Variants in SLC25A16 observed in about 807,000 individuals in gnomAD.
SLC25A16 encodes mitochondrial coenzyme A transporter SLC25A16.
In SLC25A16, 39 loss-of-function variants were observed where a neutral mutation model predicts 41.5. The observed-to-expected ratio is 0.94, with a 90% confidence interval of 0.73 to 1.23. The LOEUF is 1.23. Ranked by LOEUF, SLC25A16 falls within the 50% of genes most tolerant of loss-of-function variation. SLC25A16 has a pLI of 0.00. For synonymous variants in SLC25A16, 146 were observed against 147.8 expected (o/e 0.99, Z 0.09); for missense variants, 421 against 426.9 (o/e 0.99, Z 0.12).
intron 3 of SLC25A16, among the ~76,000 whole-genome samples, chr10:68,505,148 A>T (rs961036849): frequency 2.0e-5 from 3 of 152,144 alleles, no homozygotes; most frequent in Admixed American, 6.6e-5. Flanking sequence ...AATATTTTTT[A>T]AAAAATCAGC....
intron 7 of SLC25A16, 35 bp from the exon 8 acceptor site, chr10:68,487,247 T>G (rs769618324): frequency 1.8e-5 from 28 of 1,593,922 alleles, no homozygotes; most frequent in African/African-American, 2.7e-5. Context: ...AATTAAAAAT[T>G]TTTGGTTTTC....
intron 3 of SLC25A16, among the ~76,000 whole-genome samples, chr10:68,503,958 G>T (rs2052902899): frequency 6.6e-6 from 1 of 150,430 alleles, no homozygotes; most frequent in South Asian, 2.1e-4. Context: ...ATATGATACT[G>T]TGTATTAAGG....
At chr10:68,521,582 C>CTTT (rs757080265) in intron 1 of SLC25A16, among the ~76,000 whole-genome samples, 1 of 110,326 alleles carries the variant, frequency 9.1e-6, no homozygotes, top group African/African-American at 3.5e-5. Context: ...TGCCTGTAAT[C>CTTT]TTTTTTTTTT....
chr10:68,489,595 C>T (rs2052622633), intron 6 of SLC25A16, among the ~76,000 whole-genome samples: 1 of 151,892 alleles, frequency 6.6e-6, no homozygotes, highest in Non-Finnish European at 1.5e-5. Flanking sequence ...AAGCATTACT[C>T]AAGATATTGT....
chr10:68,492,149 G>A (rs2052669678), intron 6 of SLC25A16, among the ~76,000 whole-genome samples: 3 of 152,116 alleles, frequency 2.0e-5, no homozygotes, highest in Admixed American at 6.6e-5. Flanking sequence ...CACAAAAAAG[G>A]TAGCCTAATA....
At position 68,493,216 on chromosome 10, in the gene SLC25A16, A is replaced by G; in HGVS notation, c.544-18T>C. The G allele has an allele frequency of 6.6e-7, 1 of 1,525,184 alleles. No homozygotes were observed. Among genetic ancestry groups the G allele is most frequent in the Non-Finnish European group, 9.0e-7 (1 of 1,115,804 alleles). 94.5% of individuals were successfully genotyped at this position (1,525,184 alleles called of 1,614,324 possible). On this transcript the variant is annotated intron_variant, in intron 5 of 8. Coordinates refer to ENST00000609923, the MANE Select transcript of SLC25A16 (RefSeq NM_152707.4). ...CCACCTTCCTTTTGAGTGAAGGAAA[A>G]TTGCAAGTGAGATTACATTGTGCTC...
At chr10:68,515,363 A>C (rs2053143618) in intron 2 of SLC25A16, among the ~76,000 whole-genome samples, 1 of 20,158 alleles carries the variant, frequency 5.0e-5, no homozygotes, top group Admixed American at 9.6e-4. Flanking sequence ...TCTCCAAAAA[A>C]AGAAAAAAAA....
intron 2 of SLC25A16, among the ~76,000 whole-genome samples, chr10:68,507,869 G>A (rs906473124): frequency 6.6e-6 from 1 of 152,118 alleles, no homozygotes; most frequent in Non-Finnish European, 1.5e-5. Flanking sequence ...AATTAAAATT[G>A]TAGGTACTTA....
At position 68,479,645 on chromosome 10, in the gene SLC25A16, T is replaced by G. The variant is rs1385688285; in HGVS notation, c.*3787A>C. ...CAGGGCAAAACCCAGCTCTACTAAA[T>G]ACACAAAAATTAGCTGGGCGTGGTG... On this transcript the variant is annotated 3_prime_UTR_variant, in exon 9 of 9. Transcript: ENST00000609923. 1 of 151,548 alleles carries G rather than the reference T, an allele frequency of 6.6e-6. No homozygotes were observed. The highest frequency in any genetic ancestry group is 1.5e-5 in the Non-Finnish European group (1 of 67,904). The allele number at this position is 151,548 out of a possible 1,614,324, so 9.4% of individuals were successfully genotyped here.
rs1375800896 is a variant in SLC25A16 at position 68,482,975 on chromosome 10, T to C, written c.*457A>G. 6.6e-6 allele frequency: 1 copy of C among 152,308 alleles called. No individual in the cohort carries two copies. Among genetic ancestry groups the C allele is most frequent in the Non-Finnish European group, 1.5e-5 (1 of 68,114 alleles). The allele number at this position is 152,308 out of a possible 1,614,324, so 9.4% of individuals were successfully genotyped here. A position where few individuals can be genotyped will look rare whatever the true frequency, so the allele number is the denominator to read the frequency against. ...GAGAAGAGAGATAACAAAAATAAAA[T>C]GTCAATGCTGGCTGTTTCATAGAAC... On this transcript the variant is annotated 3_prime_UTR_variant, in exon 9 of 9. Coordinates refer to ENST00000609923, the MANE Select transcript of SLC25A16 (RefSeq NM_152707.4).
chr10:68,483,636 A>T (rs748407838), intron 8 of SLC25A16, 48 bp from the exon 9 acceptor site: 1 of 1,454,832 alleles, frequency 6.9e-7, no homozygotes, highest in Admixed American at 2.4e-5. Context: ...CTCATGAAGA[A>T]ACAATTTCAG....
At chr10:68,495,111 G>A (rs1261755103) in intron 4 of SLC25A16, among the ~76,000 whole-genome samples, 1 of 151,776 alleles carries the variant, frequency 6.6e-6, no homozygotes, top group Non-Finnish European at 1.5e-5. Flanking sequence ...GCAAAACTTC[G>A]TATTTATTTA....
rs1395515905 is a variant in SLC25A16, at chr10:68,482,681, A to T, written c.*751T>A. ...ACATGTAAGTCACTCATAGTACCTC[A>T]TAATAACATTTGAGCAAGACTTAGT... On this transcript the variant is annotated 3_prime_UTR_variant, in exon 9 of 9. Coordinates refer to ENST00000609923, the MANE Select transcript of SLC25A16 (RefSeq NM_152707.4). 6.6e-6 allele frequency: 1 copy of T among 152,152 alleles called. No homozygotes were observed. Among genetic ancestry groups the T allele is most frequent in the Non-Finnish European group, 1.5e-5 (1 of 68,030 alleles). The allele number at this position is 152,152 out of a possible 1,614,324, so 9.4% of individuals were successfully genotyped here.
At chr10:68,483,839 T>A (rs2052516941) in intron 8 of SLC25A16, among the ~76,000 whole-genome samples, 1 of 152,108 alleles carries the variant, frequency 6.6e-6, no homozygotes, top group Admixed American at 6.6e-5. Context: ...ATTTTTGTAA[T>A]TTTTAGTAGA....
At chr10:68,513,616 G>C (rs547310651) in intron 2 of SLC25A16, among the ~76,000 whole-genome samples, 1 of 152,088 alleles carries the variant, frequency 6.6e-6, no homozygotes, top group Admixed American at 6.6e-5. Flanking sequence ...GTGCCCGCGC[G>C]TGGTGGCTCA....
chr10:68,501,624 C>CA (rs1156407314), intron 4 of SLC25A16, among the ~76,000 whole-genome samples: 1 of 151,806 alleles, frequency 6.6e-6, no homozygotes, highest in Non-Finnish European at 1.5e-5. Flanking sequence ...GAATTTGACT[C>CA]AAAATTTGAA....
intron 3 of SLC25A16, 124 bp downstream of exon 3, chr10:68,506,461 A>AG: frequency 1.5e-6 from 1 of 669,244 alleles, no homozygotes. Flanking sequence ...AAAAAAAAAA[A>AG]CCAATAATTT....
At chr10:68,509,354 T>C (rs1023688078) in intron 2 of SLC25A16, among the ~76,000 whole-genome samples, 7 of 151,142 alleles carry the variant, frequency 4.6e-5, no homozygotes, top group Non-Finnish European at 7.4e-5. Context: ...ACAAAACAAA[T>C]TGGGACAAGG....
chr10:68,523,735 G>C lies in SLC25A16; in HGVS notation c.130+3511C>G, dbSNP rs189726993. 3.9e-5 allele frequency among the ~76,000 whole-genome samples: 6 copies of C among 152,130 alleles called. No homozygotes were observed. In the East Asian group the frequency reaches 1.2e-3, roughly 30 times the overall value. On this transcript the variant is annotated intron_variant, in intron 1 of 8. Transcript: ENST00000609923. Reference sequence around the variant, plus strand: ...GGTGATCTGCCCACCTGAGCCTCCTGAAGTGCTGGGATTACAGGTGTGAGA... The same window carrying C: ...GGTGATCTGCCCACCTGAGCCTCCTCAAGTGCTGGGATTACAGGTGTGAGA...
Sources: gnomAD v4.1 joint callset for allele counts (sites outside exome capture counted in the v4.1 genomes callset) on GRCh38, gnomAD v4.1.1 for gene constraint, MANE v1.5 for transcripts, NCBI Gene and HGNC (gene_info 2026-07-23, HGNC 2026-07-21) for gene names.